STARD13: variants seen among roughly 807,000 people sequenced by gnomAD.
STARD13 encodes the protein stAR-related lipid transfer protein 13.
Under a neutral mutation model 106.4 loss-of-function variants are expected in STARD13, and 62 were observed. That is an observed-to-expected ratio of 0.58 (90% CI 0.48 to 0.72). STARD13 has a LOEUF of 0.72. STARD13 is among the 30% of genes least tolerant of loss of function. STARD13 has a pLI of 0.00. For missense variants in STARD13, 1,387 were observed against 1,424.0 expected (o/e 0.97, Z 0.42); for synonymous variants, 565 against 553.0 (o/e 1.02, Z -0.31).
At chr13:33,518,787 C>T in the STARD13 span, among the ~76,000 whole-genome samples, 1 of 152,120 alleles carries the variant, frequency 6.6e-6, no homozygotes, top group Non-Finnish European at 1.5e-5. Flanking sequence ...GTCACTTCTG[C>T]ACTTTGCATA....
the STARD13 span, among the ~76,000 whole-genome samples, chr13:33,625,246 T>A: frequency 6.6e-6 from 1 of 152,186 alleles, no homozygotes; most frequent in Non-Finnish European, 1.5e-5. Flanking sequence ...CAGCCTGTCC[T>A]GAACGAGAAG....
intron 1 of STARD13, among the ~76,000 whole-genome samples, chr13:33,201,046 A>G (rs1448256879): frequency 1.0e-5 from 1 of 97,270 alleles, no homozygotes; most frequent in African/African-American, 3.9e-5. Flanking sequence ...AATAAAAATA[A>G]ACAAATAAAT....
At chr13:33,145,756 C>T (rs554041434) in intron 3 of STARD13, among the ~76,000 whole-genome samples, 1 of 152,266 alleles carries the variant, frequency 6.6e-6, no homozygotes, top group Admixed American at 6.5e-5. Context: ...AGTAAAAGAA[C>T]CCAGACACAA....
chr13:33,309,001 T>A (rs1167268752), intron 1 of STARD13, among the ~76,000 whole-genome samples: 1 of 152,258 alleles, frequency 6.6e-6, no homozygotes, highest in Admixed American at 6.5e-5. Context: ...CTTTGCCTCT[T>A]AGTAGGCTCT....
At chr13:33,619,403 A>G in the STARD13 span, among the ~76,000 whole-genome samples, 1 of 152,246 alleles carries the variant, frequency 6.6e-6, no homozygotes. Flanking sequence ...CAGCAGGGAA[A>G]ACTGAGATAA....
chr13:33,653,699 A>AT, the STARD13 span, among the ~76,000 whole-genome samples: 1 of 152,142 alleles, frequency 6.6e-6, no homozygotes, highest in African/African-American at 2.4e-5. Flanking sequence ...AAAATTAAAT[A>AT]TTTTGTGCTG....
At chr13:33,589,570 C>A in the STARD13 span, among the ~76,000 whole-genome samples, 1 of 152,142 alleles carries the variant, frequency 6.6e-6, no homozygotes. Flanking sequence ...AGTAGTCATT[C>A]AGGAGCAGGT....
chr13:33,358,036 TC>T, the STARD13 span, among the ~76,000 whole-genome samples: 38 of 152,282 alleles, frequency 2.5e-4, no homozygotes, highest in Non-Finnish European at 4.9e-4. Context: ...CAGCTGGAGT[TC>T]CGGGTGGGCG....
the STARD13 span, among the ~76,000 whole-genome samples, chr13:33,670,919 C>A: frequency 1.2e-4 from 18 of 152,314 alleles, no homozygotes; most frequent in African/African-American, 4.3e-4. Flanking sequence ...TTTCCTTGAA[C>A]TATTGTTTCC....
At chr13:33,526,801 A>G in the STARD13 span, among the ~76,000 whole-genome samples, 2 of 152,180 alleles carry the variant, frequency 1.3e-5, no homozygotes, top group Non-Finnish European at 2.9e-5. Context: ...AATATTAACT[A>G]TTATTATGTT....
chr13:33,400,197 G>T, the STARD13 span, among the ~76,000 whole-genome samples: 1 of 151,968 alleles, frequency 6.6e-6, no homozygotes, highest in African/African-American at 2.4e-5. Flanking sequence ...AACTATTATG[G>T]GTTCCGTATA....
chr13:33,580,526 C>T, the STARD13 span, among the ~76,000 whole-genome samples: 1 of 152,160 alleles, frequency 6.6e-6, no homozygotes, highest in Admixed American at 6.5e-5. Context: ...CAGCGTGAAC[C>T]TTAATATGAA....
chr13:33,362,158 C>T, the STARD13 span, among the ~76,000 whole-genome samples: 21 of 152,104 alleles, frequency 1.4e-4, no homozygotes, highest in Non-Finnish European at 2.4e-4. Context: ...GCTGTACAAG[C>T]GAGGCACCAA....
At chr13:33,153,554 G>C (rs138480822) in intron 3 of STARD13, among the ~76,000 whole-genome samples, 1 of 152,158 alleles carries the variant, frequency 6.6e-6, no homozygotes, top group African/African-American at 2.4e-5. Context: ...AGACCAGCAG[G>C]GGCGTTTGAC....
intron 1 of STARD13, among the ~76,000 whole-genome samples, chr13:33,188,892 T>A (rs961490960): frequency 1.3e-5 from 2 of 152,212 alleles, no homozygotes; most frequent in South Asian, 2.1e-4. Context: ...ACAAAACCCA[T>A]GAAATCCCTT....
intron 1 of STARD13, among the ~76,000 whole-genome samples, chr13:33,173,917 T>G (rs1462270491): frequency 1.3e-5 from 2 of 152,192 alleles, no homozygotes; most frequent in Non-Finnish European, 2.9e-5. Flanking sequence ...CAGCTCTGTT[T>G]ATGTGGACTT....
the STARD13 span, among the ~76,000 whole-genome samples, chr13:33,482,488 A>T: frequency 6.6e-6 from 1 of 152,224 alleles, no homozygotes; most frequent in African/African-American, 2.4e-5. Context: ...TTTCTACAAC[A>T]AAAATAAGTA....
At chr13:33,581,413 G>T in the STARD13 span, among the ~76,000 whole-genome samples, 8 of 151,994 alleles carry the variant, frequency 5.3e-5, no homozygotes, top group Non-Finnish European at 8.8e-5. Context: ...AATTTGTCTT[G>T]GTAGTTAATT....
chr13:33,570,402 T>G, the STARD13 span, among the ~76,000 whole-genome samples: 6 of 148,328 alleles, frequency 4.0e-5, 1 homozygote, highest in Admixed American at 1.4e-4. Flanking sequence ...ACTTTGTAAT[T>G]TATGTTACCC....
Sources: gnomAD v4.1 joint callset for allele counts (sites outside exome capture counted in the v4.1 genomes callset) on GRCh38, gnomAD v4.1.1 for gene constraint, MANE v1.5 for transcripts, NCBI Gene and HGNC (gene_info 2026-07-23, HGNC 2026-07-21) for gene names.